The following CNKSR2 variants were observed in gnomAD, a reference collection of about 807,000 sequenced individuals.
CNKSR2 encodes connector enhancer of kinase suppressor of Ras 2.
CNKSR2 carries 14 observed loss-of-function variants against 84.4 expected under a neutral mutation model. That is an observed-to-expected ratio of 0.17 (90% CI 0.11 to 0.26). The LOEUF (loss-of-function observed/expected upper bound fraction) is 0.26, where lower values mean the gene tolerates loss of function less well. Among genes scored for constraint, CNKSR2 ranks in the 10% least tolerant of loss-of-function variants. CNKSR2 has a pLI of 1.00. For synonymous variants in CNKSR2, 275 were observed against 277.9 expected (o/e 0.99, Z 0.10); for missense variants, 485 against 771.2 (o/e 0.63, Z 4.40).
At chrX:21,556,783 A>G (rs1014825798) in intron 11 of CNKSR2, among the ~76,000 whole-genome samples, 4 of 110,982 alleles carry the variant, frequency 3.6e-5, no homozygotes, top group African/African-American at 9.8e-5. Flanking sequence ...GAAGCTTTCT[A>G]CAAGGTTTTC....
intron 1 of CNKSR2, among the ~76,000 whole-genome samples, chrX:21,409,589 AT>A (rs1311941021): frequency 1.8e-5 from 2 of 110,526 alleles, no homozygotes; most frequent in African/African-American, 6.6e-5. Context: ...ATTACAAAAA[AT>A]ATTAGAATAC....
At chrX:21,458,928 T>C (rs1027549405) in intron 4 of CNKSR2, among the ~76,000 whole-genome samples, 2 of 110,862 alleles carry the variant, frequency 1.8e-5, no homozygotes, top group African/African-American at 3.3e-5. Flanking sequence ...CTTCAGCTCA[T>C]TGTGGCCAAT....
In CNKSR2 at chrX:21,374,904, C is replaced by T; in HGVS notation, c.7C>T (p.Leu3=). Residue 3 remains leucine, a synonymous_variant, in exon 1 of 22, where the codon CTG becomes TTG. Coordinates refer to ENST00000379510, the MANE Select transcript of CNKSR2 (RefSeq NM_014927.5). ...CGGAACCGACCCCGTACCCATGGCT[C>T]TGATAATGGAACCGGTGAGCAAATG... MA[L]IMEPVSKWSP... 1 of 1,210,118 alleles carries T rather than the reference C, an allele frequency of 8.3e-7. No individual in the cohort carries two copies. The highest frequency in any genetic ancestry group is 1.1e-6 in the Non-Finnish European group (1 of 893,645).
At chrX:21,548,637 A>G (rs1333889524) in intron 11 of CNKSR2, among the ~76,000 whole-genome samples, 1 of 112,033 alleles carries the variant, frequency 8.9e-6, no homozygotes, top group Non-Finnish European at 1.9e-5. Context: ...ATTTCAGGCC[A>G]GTATCCCTGG....
intron 1 of CNKSR2, among the ~76,000 whole-genome samples, chrX:21,389,052 A>G (rs1487199963): frequency 3.7e-5 from 4 of 108,016 alleles, no homozygotes; most frequent in Non-Finnish European, 7.6e-5. Context: ...CCACAAACCC[A>G]TAACCCCATT....
intron 11 of CNKSR2, among the ~76,000 whole-genome samples, chrX:21,539,913 A>G (rs963041672): frequency 2.7e-5 from 3 of 112,270 alleles, no homozygotes; most frequent in Admixed American, 9.4e-5. Context: ...AGTTTAATGT[A>G]TTTACCTTTT....
chrX:21,584,971 G>C (rs1569257256), intron 13 of CNKSR2, among the ~76,000 whole-genome samples: 1 of 110,549 alleles, frequency 9.0e-6, no homozygotes, highest in Non-Finnish European at 1.9e-5. Context: ...GCTGGTCTTA[G>C]TGGCTCACAC....
intron 20 of CNKSR2, among the ~76,000 whole-genome samples, chrX:21,629,375 C>T (rs1274855054): frequency 8.9e-6 from 1 of 112,079 alleles, no homozygotes; most frequent in Non-Finnish European, 1.9e-5. Context: ...TCAGCCGTGC[C>T]CCACTCTGTT....
At chrX:21,638,516 G>A (rs1388563501) in intron 20 of CNKSR2, among the ~76,000 whole-genome samples, 1 of 111,859 alleles carries the variant, frequency 8.9e-6, no homozygotes, top group African/African-American at 3.2e-5. Flanking sequence ...CATTCCATCT[G>A]GGTTCATCAT....
At chrX:21,508,658 G>A (rs1346253662) in intron 8 of CNKSR2, among the ~76,000 whole-genome samples, 1 of 111,890 alleles carries the variant, frequency 8.9e-6, no homozygotes, top group Non-Finnish European at 1.9e-5. Flanking sequence ...ATGCCATATT[G>A]GAAGGGGAGA....
intron 1 of CNKSR2, among the ~76,000 whole-genome samples, chrX:21,410,384 A>G (rs2090327560): frequency 9.0e-6 from 1 of 111,533 alleles, no homozygotes; most frequent in South Asian, 3.7e-4. Context: ...TATAAATTTT[A>G]GGAGAATAAA....
chrX:21,457,176 T>G (rs989509141), intron 4 of CNKSR2, among the ~76,000 whole-genome samples: 4 of 111,787 alleles, frequency 3.6e-5, no homozygotes, highest in Non-Finnish European at 7.5e-5. Flanking sequence ...GGTTGCCTTT[T>G]CATTTTGTTG....
At chrX:21,417,976 C>G (rs1035069174) in intron 1 of CNKSR2, among the ~76,000 whole-genome samples, 1 of 111,034 alleles carries the variant, frequency 9.0e-6, no homozygotes, top group Non-Finnish European at 1.9e-5. Flanking sequence ...TTTATGGTCT[C>G]TTCCTTCTTT....
chrX:21,555,410 T>C (rs765665001), intron 11 of CNKSR2, among the ~76,000 whole-genome samples: 1 of 111,905 alleles, frequency 8.9e-6, no homozygotes, highest in South Asian at 3.7e-4. Context: ...CCTATAAAGA[T>C]CAGATCGTTC....
intron 1 of CNKSR2, among the ~76,000 whole-genome samples, chrX:21,382,912 A>G (rs964131979): frequency 3.6e-5 from 4 of 112,271 alleles, no homozygotes; most frequent in African/African-American, 1.3e-4. Flanking sequence ...GAATTATTGC[A>G]AAGCATAGTT....
intron 1 of CNKSR2, among the ~76,000 whole-genome samples, chrX:21,406,516 T>C (rs2090265865): frequency 8.9e-6 from 1 of 111,843 alleles, no homozygotes; most frequent in Admixed American, 9.5e-5. Flanking sequence ...ATGATTAACA[T>C]TTTTATTGAA....
Position 21,595,523 on chromosome X carries a change from T to C in CNKSR2, c.1976+128T>C. The C allele has an allele frequency of 2.1e-5, 8 of 378,476 alleles. No homozygotes were observed. In the South Asian group the frequency reaches 5.9e-4, roughly 28 times the overall value. The allele number at this position is 378,476 out of a possible 1,213,427, so 31.2% of individuals were successfully genotyped here. On this transcript the variant is annotated intron_variant, in intron 17 of 21. Coordinates refer to ENST00000379510, the MANE Select transcript of CNKSR2 (RefSeq NM_014927.5). ...AGTTTAAAATAAAATAGACCCAGAA[T>C]AGCTCCATGCAGCCATATCTAATTT...
chrX:21,487,190 G>T (rs2091394118), intron 5 of CNKSR2, among the ~76,000 whole-genome samples: 2 of 111,624 alleles, frequency 1.8e-5, no homozygotes, highest in Non-Finnish European at 3.8e-5. Flanking sequence ...CAAGCATTTG[G>T]CAAACAAAAT....
chrX:21,628,600 C>T (rs1280086366), intron 20 of CNKSR2, among the ~76,000 whole-genome samples: 1 of 112,058 alleles, frequency 8.9e-6, no homozygotes, highest in East Asian at 2.8e-4. Flanking sequence ...CAGGAAGCTG[C>T]CAAGGCTTGG....
Sources: allele counts gnomAD v4.1 joint callset (sites outside exome capture counted in the v4.1 genomes callset), GRCh38; gene constraint gnomAD v4.1.1; transcripts MANE v1.5; gene names NCBI Gene and HGNC (gene_info 2026-07-23, HGNC 2026-07-21).